NTM: variants seen among roughly 807,000 people sequenced by gnomAD.
The protein encoded by NTM is neurotrimin.
In NTM, 13 loss-of-function variants were observed where a neutral mutation model predicts 42.1. That is an observed-to-expected ratio of 0.31 (90% CI 0.20 to 0.49). The LOEUF is 0.49. NTM is among the 20% of genes least tolerant of loss of function. The probability of loss-of-function intolerance (pLI) is 0.99; values close to 1 mark genes in which losing one functional copy is unlikely to be tolerated. For synonymous variants in NTM, 187 were observed against 179.2 expected (o/e 1.04, Z -0.35); for missense variants, 373 against 452.8 (o/e 0.82, Z 1.60).
chr11:132,104,585 C>CCCCA (rs537802359), intron 2 of NTM, among the ~76,000 whole-genome samples: 3 of 138,854 alleles, frequency 2.2e-5, no homozygotes, highest in African/African-American at 8.4e-5. Flanking sequence ...GACCCCCCCC[C>CCCCA]ACCAAAAATA....
intron 8 of NTM, among the ~76,000 whole-genome samples, chr11:132,331,170 AT>A (rs1461912765): frequency 2.0e-5 from 3 of 152,250 alleles, no homozygotes; most frequent in African/African-American, 4.8e-5. Flanking sequence ...AGATAGTTGC[AT>A]TTGAAGACAG....
At chr11:132,283,888 A>G (rs1027306990) in intron 4 of NTM, among the ~76,000 whole-genome samples, 2 of 152,106 alleles carry the variant, frequency 1.3e-5, no homozygotes, top group African/African-American at 4.8e-5. Flanking sequence ...GCCCCATGGG[A>G]GTGCCTGTGC....
At chr11:131,873,278 G>T (rs560721597) in intron 1 of NTM, among the ~76,000 whole-genome samples, 1 of 151,614 alleles carries the variant, frequency 6.6e-6, no homozygotes, top group African/African-American at 2.4e-5. Flanking sequence ...ACCAAACACC[G>T]CATGTTCTCA....
At chr11:131,726,289 A>T (rs910172529) in intron 1 of NTM, among the ~76,000 whole-genome samples, 5 of 152,088 alleles carry the variant, frequency 3.3e-5, no homozygotes, top group Non-Finnish European at 7.4e-5. Context: ...GCACCTTTTC[A>T]AGGTTTACCT....
rs79939657 is a variant in NTM, at chr11:131,852,722, C to T, written c.83-58842C>T. ...AGGAAGGATATATAATTTGTCTATA[C>T]CCACCCACCGATGGATTTATCCATT... On this transcript the variant is annotated intron_variant, in intron 1 of 8. Coordinates refer to ENST00000683400, the MANE Select transcript of NTM (RefSeq NM_001352005.2). Among the ~76,000 whole-genome samples the T allele has an allele frequency of 1.7e-3, 259 of 152,246 alleles. 1 individual carries two copies. The highest frequency in any genetic ancestry group is 5.9e-3 in the African/African-American group (244 of 41,538).
rs1027097364 is a variant in NTM at position 132,334,508 on chromosome 11, G to A, written c.968-538G>A. ...AGGTGGAACCCAGGTGCCCTGCCCT[G>A]AGATAGAGTGATTGGCAGGATGGCC... On this transcript the variant is annotated intron_variant, in intron 8 of 8. Coordinates refer to ENST00000683400, the MANE Select transcript of NTM (RefSeq NM_001352005.2). 3.9e-5 allele frequency among the ~76,000 whole-genome samples: 6 copies of A among 152,346 alleles called. No homozygotes were observed. In the South Asian group the frequency reaches 1.2e-3, roughly 32 times the overall value.
chr11:131,487,894 A>G (rs2136277669), intron 1 of NTM, among the ~76,000 whole-genome samples: 1 of 152,324 alleles, frequency 6.6e-6, no homozygotes, highest in South Asian at 2.1e-4. Flanking sequence ...TTCTTTGTTC[A>G]GGCATTTGCC....
At chr11:131,609,753 A>T (rs538963112) in intron 1 of NTM, among the ~76,000 whole-genome samples, 1 of 152,346 alleles carries the variant, frequency 6.6e-6, no homozygotes, top group East Asian at 1.9e-4. Flanking sequence ...GAAGAGCCAA[A>T]CATGCTTCTG....
chr11:132,268,670 CTGTGTG>C (rs780327988), intron 4 of NTM, among the ~76,000 whole-genome samples: 1 of 146,320 alleles, frequency 6.8e-6, no homozygotes, highest in Non-Finnish European at 1.5e-5. Context: ...CTCTCTCTCT[CTGTGTG>C]TGTGTGTGTG....
intron 1 of NTM, among the ~76,000 whole-genome samples, chr11:131,420,501 TG>T (rs1947392318): frequency 6.6e-6 from 1 of 152,166 alleles, no homozygotes; most frequent in Non-Finnish European, 1.5e-5. Context: ...ACGTCTGTGG[TG>T]ATCTGTTACA....
At position 131,927,110 on chromosome 11, in the gene NTM, T is replaced by C. The variant is rs78511990; in HGVS notation, c.167+15462T>C. On this transcript the variant is annotated intron_variant, in intron 2 of 8. Coordinates refer to ENST00000683400, the MANE Select transcript of NTM (RefSeq NM_001352005.2). ...GTTCAGAAGAATTATTTAGCACATATTTCATCTCTCTATTCAGTAATCAAA... is the reference window on the plus strand; with the variant it reads ...GTTCAGAAGAATTATTTAGCACATACTTCATCTCTCTATTCAGTAATCAAA... 3.5e-3 allele frequency among the ~76,000 whole-genome samples: 526 copies of C among 152,306 alleles called. 3 individuals are homozygous for C. Among genetic ancestry groups the C allele is most frequent in the African/African-American group, 0.012 (487 of 41,556 alleles).
chr11:132,145,713 C>T (rs1227706083), intron 2 of NTM, among the ~76,000 whole-genome samples: 2 of 152,210 alleles, frequency 1.3e-5, no homozygotes, highest in East Asian at 3.9e-4. Flanking sequence ...TTAGTTTTGA[C>T]TGCAGAAGCC....
chr11:132,066,483 A>G (rs898691442), intron 2 of NTM, among the ~76,000 whole-genome samples: 5 of 152,308 alleles, frequency 3.3e-5, no homozygotes, highest in African/African-American at 1.2e-4. Context: ...GTAACAAATT[A>G]CCACAAACTG....
chr11:131,733,729 G>T (rs1044035042), intron 1 of NTM, among the ~76,000 whole-genome samples: 1 of 152,018 alleles, frequency 6.6e-6, no homozygotes, highest in Non-Finnish European at 1.5e-5. Context: ...AGAGATGGGG[G>T]GGTTTGCCAT....
chr11:131,749,140 C>A (rs918125536), intron 1 of NTM, among the ~76,000 whole-genome samples: 2 of 152,180 alleles, frequency 1.3e-5, no homozygotes, highest in Admixed American at 1.3e-4. Flanking sequence ...AACTTTACTT[C>A]CGGATGAAGT....
At chr11:131,427,459 T>C (rs1447626284) in intron 1 of NTM, among the ~76,000 whole-genome samples, 2 of 151,934 alleles carry the variant, frequency 1.3e-5, no homozygotes, top group African/African-American at 4.8e-5. Context: ...ATAAGACCCC[T>C]TGATCTCTAC....
chr11:131,723,187 T>C (rs2135415184), intron 1 of NTM, among the ~76,000 whole-genome samples: 1 of 152,338 alleles, frequency 6.6e-6, no homozygotes, highest in Non-Finnish European at 1.5e-5. Flanking sequence ...TGAAGCATTA[T>C]CTCTGCCGTT....
At chr11:131,412,444 A>T (rs1054088304) in intron 1 of NTM, among the ~76,000 whole-genome samples, 9 of 152,232 alleles carry the variant, frequency 5.9e-5, no homozygotes, top group African/African-American at 1.9e-4. Context: ...TTTCAACCCA[A>T]AGCATAGATT....
intron 1 of NTM, among the ~76,000 whole-genome samples, chr11:131,669,344 C>T (rs1175269065): frequency 6.6e-6 from 1 of 152,198 alleles, no homozygotes; most frequent in Non-Finnish European, 1.5e-5. Flanking sequence ...TGGAAAAGTC[C>T]CGTAGCCTGG....
Sources: allele counts gnomAD v4.1 joint callset (sites outside exome capture counted in the v4.1 genomes callset), GRCh38; gene constraint gnomAD v4.1.1; transcripts MANE v1.5; gene names NCBI Gene and HGNC (gene_info 2026-07-23, HGNC 2026-07-21).